Variants in NPHP4 observed in about 807,000 individuals in gnomAD.
The protein encoded by NPHP4 is nephrocystin-4.
A neutral mutation model predicts 155.8 loss-of-function variants in NPHP4; 151 were observed. The observed-to-expected ratio is 0.97, with a 90% CI of 0.85 to 1.11. NPHP4 has a LOEUF of 1.11. Ranked by LOEUF, NPHP4 falls within the 50% of genes least tolerant of loss-of-function variation. NPHP4 has a pLI of 0.00. For synonymous variants in NPHP4, 845 were observed against 816.8 expected (o/e 1.03, Z -0.59); for missense variants, 1,956 against 1,925.7 (o/e 1.02, Z -0.29).
At chr1:5,897,227 A>G (rs1008022643) in intron 16 of NPHP4, among the ~76,000 whole-genome samples, 7 of 152,184 alleles carry the variant, frequency 4.6e-5, no homozygotes, top group Admixed American at 3.9e-4. Context: ...TAACTGACGC[A>G]AGCAAAGCTC....
intron 17 of NPHP4, chr1:5,888,539 A>T (rs1643939649): frequency 7.4e-7 from 1 of 1,346,938 alleles, no homozygotes; most frequent in Non-Finnish European, 9.8e-7. Flanking sequence ...TACACTGCAT[A>T]CGATCACTGC....
intron 6 of NPHP4, 111 bp downstream of exon 6, chr1:5,961,683 G>A: frequency 1.0e-6 from 1 of 988,130 alleles, no homozygotes; most frequent in Non-Finnish European, 1.5e-6. Context: ...CTGAGCTGCA[G>A]AGGGGCGCTC....
intron 4 of NPHP4, among the ~76,000 whole-genome samples, chr1:5,968,755 G>A (rs781699218): frequency 6.6e-6 from 1 of 152,092 alleles, no homozygotes; most frequent in Non-Finnish European, 1.5e-5. Flanking sequence ...CTGGCCAGGC[G>A]CAAAACCCCA....
intron 10 of NPHP4, among the ~76,000 whole-genome samples, chr1:5,930,573 T>C (rs1334668449): frequency 6.6e-6 from 1 of 152,240 alleles, no homozygotes; most frequent in Non-Finnish European, 1.5e-5. Flanking sequence ...TTCCAAGTGG[T>C]TGAAAATTTT....
At chr1:5,866,327 C>T (rs1426104351) in intron 26 of NPHP4, 46 bp downstream of exon 26, 3 of 1,293,308 alleles carry the variant, frequency 2.3e-6, no homozygotes, top group Non-Finnish European at 3.3e-6. Context: ...CTGCCTCCTC[C>T]TCTCCTCCGC....
chr1:5,936,885 G>A (rs187146862), intron 9 of NPHP4, among the ~76,000 whole-genome samples: 23 of 152,340 alleles, frequency 1.5e-4, no homozygotes, highest in Non-Finnish European at 2.4e-4. Flanking sequence ...ACAGTGTTGT[G>A]GGATGAGATA....
At chr1:5,933,068 T>C in intron 10 of NPHP4, 79 bp downstream of exon 10, 2 of 1,156,090 alleles carry the variant, frequency 1.7e-6, no homozygotes, top group Non-Finnish European at 2.4e-6. Context: ...GCAAACATAT[T>C]TGTGAACTTT....
intron 16 of NPHP4, among the ~76,000 whole-genome samples, chr1:5,904,193 C>T (rs559719519): frequency 2.6e-5 from 4 of 152,228 alleles, no homozygotes; most frequent in African/African-American, 9.6e-5. Context: ...GCTCCATGAC[C>T]AGTATGGACC....
chr1:5,964,933 A>ATTTT (rs1327414741), intron 5 of NPHP4, among the ~76,000 whole-genome samples: 24 of 23,778 alleles, frequency 1.0e-3, no homozygotes, highest in African/African-American at 5.8e-3. Context: ...ATATATATAT[A>ATTTT]TATATATATT....
chr1:5,969,926 G>A (rs1461398148), intron 3 of NPHP4, among the ~76,000 whole-genome samples: 1 of 152,188 alleles, frequency 6.6e-6, no homozygotes, highest in Non-Finnish European at 1.5e-5. Context: ...ATCACCTTGA[G>A]ATCATTTTAT....
intron 18 of NPHP4, 165 bp downstream of exon 18, chr1:5,887,121 T>G (rs1643867188): frequency 1.5e-6 from 1 of 651,066 alleles, no homozygotes; most frequent in Non-Finnish European, 2.7e-6. Flanking sequence ...CAGGACAGAC[T>G]CAGCGGCCAA....
chr1:5,930,618 A>G (rs1487283405), intron 10 of NPHP4, among the ~76,000 whole-genome samples: 2 of 152,130 alleles, frequency 1.3e-5, no homozygotes, highest in Non-Finnish European at 2.9e-5. Flanking sequence ...GTTCAATTCC[A>G]TTATAATCTG....
At chr1:5,954,791 AT>A (rs1225239450) in intron 6 of NPHP4, among the ~76,000 whole-genome samples, 1 of 152,232 alleles carries the variant, frequency 6.6e-6, no homozygotes, top group African/African-American at 2.4e-5. Context: ...CTGAGTAAGG[AT>A]TTTTTTAAGT....
At chr1:5,971,674 G>A (rs769676764) in intron 3 of NPHP4, among the ~76,000 whole-genome samples, 1 of 152,210 alleles carries the variant, frequency 6.6e-6, no homozygotes, top group Non-Finnish European at 1.5e-5. Flanking sequence ...GCCTCACTCA[G>A]CCAGGCAGCA....
intron 4 of NPHP4, among the ~76,000 whole-genome samples, chr1:5,968,497 G>A (rs1651938474): frequency 1.3e-5 from 2 of 152,028 alleles, no homozygotes. Flanking sequence ...AGCTACGTGG[G>A]AGGATGACAC....
At chr1:5,964,929 A>ATTTTTTT (rs1557850444) in intron 5 of NPHP4, among the ~76,000 whole-genome samples, 3 of 25,340 alleles carry the variant, frequency 1.2e-4, no homozygotes, top group South Asian at 1.9e-3. Context: ...ATATATATAT[A>ATTTTTTT]TATATATATA....
chr1:5,964,941 A>ATATATATTTTTTTTTTTTTT, intron 5 of NPHP4, among the ~76,000 whole-genome samples: 2 of 59,424 alleles, frequency 3.4e-5, no homozygotes, highest in African/African-American at 8.5e-5. Flanking sequence ...ATATATATAT[A>ATATATATTTTTTTTTTTTTT]TTTTTTTTTT....
chr1:5,956,843 G>C (rs987153365), intron 6 of NPHP4, among the ~76,000 whole-genome samples: 4 of 152,164 alleles, frequency 2.6e-5, no homozygotes, highest in Non-Finnish European at 5.9e-5. Context: ...TTTATGAGCA[G>C]GCCCTATTAT....
chr1:5,960,330 T>A (rs536198619), intron 6 of NPHP4, among the ~76,000 whole-genome samples: 5 of 152,178 alleles, frequency 3.3e-5, no homozygotes, highest in African/African-American at 1.2e-4. Flanking sequence ...TTCACAATGA[T>A]GATGTCCACC....
Sources: gnomAD v4.1 joint callset for allele counts (sites outside exome capture counted in the v4.1 genomes callset) on GRCh38, gnomAD v4.1.1 for gene constraint, MANE v1.5 for transcripts, NCBI Gene and HGNC (gene_info 2026-07-23, HGNC 2026-07-21) for gene names.